The following DIAPH2 variants were observed in gnomAD, a reference collection of about 807,000 sequenced individuals.
DIAPH2 encodes diaphanous related formin 2, also known as protein diaphanous homolog 2.
DIAPH2 carries 35 observed loss-of-function variants against 92.7 expected under a neutral mutation model. The ratio of observed to expected loss-of-function variants is 0.38; its 90% CI spans 0.29 to 0.50. The LOEUF is 0.50. Ranked by LOEUF, DIAPH2 falls within the 20% of genes least tolerant of loss-of-function variation. DIAPH2 has a pLI of 0.94. For missense variants in DIAPH2, 701 were observed against 819.5 expected, an observed-to-expected ratio of 0.86 and a Z score of 1.77; for synonymous variants, 301 against 280.4, an observed-to-expected ratio of 1.07 and a Z score of -0.73.
At chrX:97,230,176 G>A (rs1452248217) in intron 22 of DIAPH2, among the ~76,000 whole-genome samples, 1 of 111,221 alleles carries the variant, frequency 9.0e-6, no homozygotes, top group Admixed American at 9.7e-5. Context: ...CATGTGTCAA[G>A]TAGTAATTTC....
At chrX:97,220,013 T>C (rs1191354318) in intron 22 of DIAPH2, among the ~76,000 whole-genome samples, 1 of 111,994 alleles carries the variant, frequency 8.9e-6, no homozygotes, top group Non-Finnish European at 1.9e-5. Context: ...TATTTCCCTT[T>C]TGTGATAGGA....
At chrX:97,222,014 G>A (rs996400331) in intron 22 of DIAPH2, among the ~76,000 whole-genome samples, 16 of 111,461 alleles carry the variant, frequency 1.4e-4, no homozygotes, top group African/African-American at 4.6e-4. Flanking sequence ...TTTAGATAAA[G>A]TTATTCCAAT....
intron 5 of DIAPH2, 49 bp downstream of exon 5, chrX:96,881,767 T>C (rs764565607): frequency 4.4e-6 from 5 of 1,125,565 alleles, no homozygotes; most frequent in East Asian, 3.1e-5. Context: ...TTGTAGTGCA[T>C]ATAATTGTTT....
intron 21 of DIAPH2, among the ~76,000 whole-genome samples, chrX:97,140,319 C>A (rs2067201443): frequency 9.0e-6 from 1 of 111,523 alleles, no homozygotes; most frequent in Non-Finnish European, 1.9e-5. Flanking sequence ...CCCATTGATT[C>A]CTCTACAGCT....
intron 26 of DIAPH2, among the ~76,000 whole-genome samples, chrX:97,444,982 A>G (rs1569399400): frequency 8.9e-6 from 1 of 111,745 alleles, no homozygotes; most frequent in Non-Finnish European, 1.9e-5. Context: ...AGTAATTATT[A>G]GAAATTATTA....
At chrX:97,283,893 G>C (rs757706106) in intron 23 of DIAPH2, among the ~76,000 whole-genome samples, 1 of 112,477 alleles carries the variant, frequency 8.9e-6, no homozygotes, top group African/African-American at 3.2e-5. Context: ...AGTGAGTCGA[G>C]ATCGCACCAT....
At chrX:97,191,868 C>G (rs1019555866) in intron 22 of DIAPH2, among the ~76,000 whole-genome samples, 2 of 110,906 alleles carry the variant, frequency 1.8e-5, no homozygotes, top group African/African-American at 6.5e-5. Context: ...GAGTATGAGT[C>G]TACTCTAATC....
At chrX:96,842,073 T>C (rs917692967) in intron 4 of DIAPH2, among the ~76,000 whole-genome samples, 4 of 111,051 alleles carry the variant, frequency 3.6e-5, no homozygotes, top group Non-Finnish European at 5.7e-5. Context: ...TCTTCAGTTA[T>C]TTCAGGCCAT....
At chrX:97,429,974 C>G (rs922328877) in intron 26 of DIAPH2, among the ~76,000 whole-genome samples, 7 of 111,609 alleles carry the variant, frequency 6.3e-5, no homozygotes, top group Non-Finnish European at 1.3e-4. Flanking sequence ...AAATCAGAAA[C>G]AAGGACTCCC....
intron 17 of DIAPH2, among the ~76,000 whole-genome samples, chrX:96,974,321 G>A (rs1425951179): frequency 8.9e-6 from 1 of 111,856 alleles, no homozygotes; most frequent in East Asian, 2.8e-4. Flanking sequence ...TTGGTGATTA[G>A]CCCTTGAATA....
intron 9 of DIAPH2, among the ~76,000 whole-genome samples, chrX:96,926,188 T>C (rs905600558): frequency 9.0e-6 from 1 of 111,678 alleles, no homozygotes; most frequent in African/African-American, 3.3e-5. Flanking sequence ...GATGTTTGTA[T>C]AGTTTTCAAG....
At chrX:97,252,320 T>C (rs941148141) in intron 23 of DIAPH2, among the ~76,000 whole-genome samples, 1 of 111,502 alleles carries the variant, frequency 9.0e-6, no homozygotes, top group Admixed American at 9.6e-5. Flanking sequence ...CATTAACACA[T>C]TGACAAGAAG....
At chrX:97,340,791 G>A (rs1283819262) in intron 23 of DIAPH2, among the ~76,000 whole-genome samples, 1 of 107,335 alleles carries the variant, frequency 9.3e-6, no homozygotes, top group Non-Finnish European at 1.9e-5. Context: ...GAATAGCTGG[G>A]ATTACAGGTA....
chrX:96,786,520 G>A (rs1195057994), intron 4 of DIAPH2, among the ~76,000 whole-genome samples: 2 of 112,175 alleles, frequency 1.8e-5, no homozygotes, highest in Non-Finnish European at 3.8e-5. Context: ...ATTTAGATCA[G>A]CTTCTGTTTG....
chrX:96,857,038 T>TAA (rs71885959), intron 4 of DIAPH2, among the ~76,000 whole-genome samples: 1 of 105,450 alleles, frequency 9.5e-6, no homozygotes, highest in African/African-American at 3.5e-5. Flanking sequence ...GACTGCATCT[T>TAA]AAAAAAAAAG....
At chrX:97,546,322 C>A (rs1179088353) in intron 26 of DIAPH2, among the ~76,000 whole-genome samples, 1 of 111,612 alleles carries the variant, frequency 9.0e-6, no homozygotes. Flanking sequence ...TTTCATCTTT[C>A]ATCATTTTTT....
chrX:97,146,007 C>CTTTTTTTTTTTTTTTTTTTT (rs372292277), intron 22 of DIAPH2, among the ~76,000 whole-genome samples: 1 of 43,169 alleles, frequency 2.3e-5, no homozygotes, highest in African/African-American at 8.0e-5. Context: ...TTTCTTCTTC[C>CTTTTTTTTTTTTTTTTTTTT]TTTTTTTTTT....
intron 23 of DIAPH2, among the ~76,000 whole-genome samples, chrX:97,299,574 A>G (rs2068676529): frequency 8.9e-6 from 1 of 112,357 alleles, no homozygotes; most frequent in South Asian, 3.7e-4. Flanking sequence ...CCAAGGTCAT[A>G]CCATTTGTTA....
At chrX:97,441,762 C>T (rs1027282431) in intron 26 of DIAPH2, among the ~76,000 whole-genome samples, 64 of 112,584 alleles carry the variant, frequency 5.7e-4, no homozygotes, top group African/African-American at 1.8e-3. Flanking sequence ...TGCAGTGAGC[C>T]GAGATCGTGC....
Sources: gnomAD v4.1 joint callset for allele counts (sites outside exome capture counted in the v4.1 genomes callset) on GRCh38, gnomAD v4.1.1 for gene constraint, MANE v1.5 for transcripts, NCBI Gene and HGNC (gene_info 2026-07-23, HGNC 2026-07-21) for gene names.